Variants in NRG1 observed in about 807,000 individuals in gnomAD.
NRG1 encodes neuregulin 1, also known as pro-neuregulin-1, membrane-bound isoform.
Under a neutral mutation model 63.8 loss-of-function variants are expected in NRG1, and 18 were observed. The ratio of observed to expected loss-of-function variants is 0.28; its 90% CI spans 0.19 to 0.42. NRG1 has a LOEUF of 0.42. NRG1 is among the 10% of genes least tolerant of loss of function. The pLI, the probability that NRG1 is intolerant of heterozygous loss-of-function variation, is 1.00. For synonymous variants in NRG1, 302 were observed against 301.3 expected, an observed-to-expected ratio of 1.00 and a Z score of -0.02; for missense variants, 762 against 814.7, an observed-to-expected ratio of 0.94 and a Z score of 0.79.
rs1346265916 is a variant in NRG1 at position 32,412,428 on chromosome 8, A to C, written c.38-183400A>C. ...TCTCTCTCTCTCTCTCTCTACATAT[A>C]TATATATATATATATATATATATAC... On this transcript the variant is annotated intron_variant, in intron 1 of 10. Coordinates refer to the NRG1 transcript ENST00000519301. Among the ~76,000 whole-genome samples the C allele has an allele frequency of 3.7e-3, 152 of 40,816 alleles. 1 individual carries two copies. Among genetic ancestry groups the C allele is most frequent in the African/African-American group, 9.9e-3 (146 of 14,732 alleles). 26.8% of individuals were successfully genotyped at this position (40,816 alleles called of 152,430 possible). A position where few individuals can be genotyped will look rare whatever the true frequency, so the allele number is the denominator to read the frequency against.
At position 32,539,336 on chromosome 8, in the gene NRG1, C is replaced by T. The variant is rs142110639; in HGVS notation, c.38-56492C>T. Among the ~76,000 whole-genome samples the T allele has an allele frequency of 6.6e-3, 1,005 of 152,106 alleles. 6 individuals carry two copies. Among genetic ancestry groups the T allele is most frequent in the African/African-American group, 0.022 (923 of 41,490 alleles). On this transcript the variant is annotated intron_variant, in intron 1 of 10. Coordinates refer to the NRG1 transcript ENST00000519301. Reference sequence around the variant, plus strand: ...GGGGTGTGAACTGAAACTGACGCTGCATAAGAAGAGAATTTACAAGCCCAG... The same window carrying T: ...GGGGTGTGAACTGAAACTGACGCTGTATAAGAAGAGAATTTACAAGCCCAG...
chr8:31,675,422 C>T (rs183453736), intron 1 of NRG1, among the ~76,000 whole-genome samples: 101 of 152,326 alleles, frequency 6.6e-4, no homozygotes, highest in Middle Eastern at 3.4e-3. Context: ...TGAAGCTTTA[C>T]TGAGGGCTGA....
chr8:32,132,887 A>G (rs943698017), intron 1 of NRG1, among the ~76,000 whole-genome samples: 1 of 152,114 alleles, frequency 6.6e-6, no homozygotes, highest in Admixed American at 6.6e-5. Context: ...CAGGCTTATA[A>G]TACTGTCAGA....
At chr8:31,677,955 CTT>C (rs1807892843) in intron 1 of NRG1, among the ~76,000 whole-genome samples, 1 of 151,576 alleles carries the variant, frequency 6.6e-6, no homozygotes, top group African/African-American at 2.4e-5. Context: ...CCTTTCCTAT[CTT>C]TTATTCATCT....
At chr8:32,735,317 T>C (rs1315111670) in intron 6 of NRG1, among the ~76,000 whole-genome samples, 1 of 152,192 alleles carries the variant, frequency 6.6e-6, no homozygotes, top group Non-Finnish European at 1.5e-5. Context: ...GAATAGTGGA[T>C]GAATATTTTA....
chr8:32,484,247 A>G (rs760889346), intron 1 of NRG1, among the ~76,000 whole-genome samples: 12 of 152,230 alleles, frequency 7.9e-5, no homozygotes, highest in Non-Finnish European at 1.5e-4. Flanking sequence ...AGAAACTGGT[A>G]GGCTACTAAA....
At chr8:32,196,925 G>A (rs1436918018) in intron 1 of NRG1, among the ~76,000 whole-genome samples, 12 of 110,534 alleles carry the variant, frequency 1.1e-4, no homozygotes, top group Non-Finnish European at 1.9e-4. Context: ...TTTCTACCAG[G>A]CCTGTTCTCA....
intron 1 of NRG1, among the ~76,000 whole-genome samples, chr8:31,921,313 G>A (rs1018965730): frequency 1.3e-5 from 2 of 152,158 alleles, no homozygotes; most frequent in Non-Finnish European, 2.9e-5. Flanking sequence ...ATGGGCCACT[G>A]TGTTCTCAAC....
At chr8:32,238,198 C>G (rs1241965098) in intron 1 of NRG1, among the ~76,000 whole-genome samples, 1 of 152,056 alleles carries the variant, frequency 6.6e-6, no homozygotes, top group Non-Finnish European at 1.5e-5. Context: ...CGTGGTGGCT[C>G]ATGCCTGTAA....
At chr8:32,127,603 G>A (rs1168780056) in intron 1 of NRG1, among the ~76,000 whole-genome samples, 1 of 150,932 alleles carries the variant, frequency 6.6e-6, no homozygotes, top group African/African-American at 2.4e-5. Context: ...TTCCATAGAG[G>A]GAAGACTGCA....
intron 6 of NRG1, among the ~76,000 whole-genome samples, chr8:32,733,745 A>T: frequency 6.6e-6 from 1 of 152,244 alleles, no homozygotes; most frequent in East Asian, 1.9e-4. Context: ...CTAAAATAGA[A>T]AATCAATGAG....
intron 1 of NRG1, among the ~76,000 whole-genome samples, chr8:32,511,716 C>T (rs1451236382): frequency 1.3e-5 from 2 of 152,088 alleles, no homozygotes; most frequent in East Asian, 1.9e-4. Flanking sequence ...CATACGTGCT[C>T]ATGGATAAAA....
At chr8:32,061,407 T>A in intron 1 of NRG1, among the ~76,000 whole-genome samples, 1 of 152,044 alleles carries the variant, frequency 6.6e-6, no homozygotes, top group East Asian at 1.9e-4. Context: ...TGTATCATTT[T>A]GTGATGACTT....
chr8:32,190,025 G>C (rs4733114), intron 1 of NRG1, among the ~76,000 whole-genome samples: 125,059 of 152,074 alleles, frequency 0.82, 52,030 homozygotes, highest in African/African-American at 0.93. Flanking sequence ...CAAAACTGAC[G>C]AAGTAAATCA....
chr8:32,766,597 A>G (rs558661306), exon 12 of NRG1: 46 of 152,332 alleles, frequency 3.0e-4, no homozygotes, highest in Non-Finnish European at 5.1e-4. Context: ...CAGATATCCC[A>G]TTGTGGAAGA....
intron 5 of NRG1, among the ~76,000 whole-genome samples, chr8:32,719,781 GA>G: frequency 6.6e-6 from 1 of 151,804 alleles, no homozygotes; most frequent in East Asian, 1.9e-4. Flanking sequence ...TTTTTTTAAA[GA>G]AACCAGGTTG....
At chr8:32,337,087 A>G (rs892062350) in intron 1 of NRG1, among the ~76,000 whole-genome samples, 3 of 151,982 alleles carry the variant, frequency 2.0e-5, no homozygotes, top group Non-Finnish European at 4.4e-5. Flanking sequence ...ATAGCCCACT[A>G]TAATCTCAAA....
chr8:32,207,740 C>T (rs1336637412), intron 1 of NRG1, among the ~76,000 whole-genome samples: 1 of 152,178 alleles, frequency 6.6e-6, no homozygotes, highest in Non-Finnish European at 1.5e-5. Flanking sequence ...TTAAAAATAT[C>T]TGACTGTTTG....
In NRG1 at chr8:32,082,361, T is replaced by TACTCTCC. The variant is rs1371438905; in HGVS notation, c.37+442932_37+442933insTCTCCAC. On this transcript the variant is annotated intron_variant, in intron 1 of 10. Transcript: ENST00000519301. ...TTTTTTCTGATCCTCTCCCTCCTCC[T>TACTCTCC]ACCCTCCACCCTCCACCCTCAAGTA... is the stretch of plus-strand genomic sequence containing the variant. 3.3e-5 allele frequency among the ~76,000 whole-genome samples: 5 copies of TACTCTCC among 151,986 alleles called. No homozygotes were observed. In the East Asian group the frequency reaches 9.6e-4, roughly 29 times the overall value.
Sources: gnomAD v4.1 joint callset for allele counts (sites outside exome capture counted in the v4.1 genomes callset) on GRCh38, gnomAD v4.1.1 for gene constraint, MANE v1.5 for transcripts, NCBI Gene and HGNC (gene_info 2026-07-23, HGNC 2026-07-21) for gene names.